CTC1: variants seen among roughly 807,000 people sequenced by gnomAD.
CTC1 encodes CST telomere replication complex component 1.
In CTC1, 91 loss-of-function variants were observed where a neutral mutation model predicts 136.3. The ratio of observed to expected loss-of-function variants is 0.67; its 90% confidence interval spans 0.56 to 0.79. The LOEUF (loss-of-function observed/expected upper bound fraction) is 0.79. Ranked by LOEUF, CTC1 falls within the 30% of genes least tolerant of loss-of-function variation. CTC1 has a pLI of 0.00. For missense variants in CTC1, 1,432 were observed against 1,498.1 expected, an observed-to-expected ratio of 0.96 and a Z score of 0.73; for synonymous variants, 606 against 613.8, an observed-to-expected ratio of 0.99 and a Z score of 0.19.
intron 3 of CTC1, 75 bp from the exon 4 acceptor site, chr17:8,238,317 G>A: frequency 6.4e-7 from 1 of 1,564,712 alleles, no homozygotes. Context: ...TGTTTCCTCA[G>A]AGACTTAATT....
At chr17:8,244,206 TC>T (rs1487418538) in intron 1 of CTC1, among the ~76,000 whole-genome samples, 2 of 152,338 alleles carry the variant, frequency 1.3e-5, no homozygotes, top group East Asian at 3.9e-4. Flanking sequence ...GGTATGCATT[TC>T]CCACAAACTA....
intron 18 of CTC1, 111 bp from the exon 19 acceptor site, chr17:8,229,557 G>A (rs1987035769): frequency 5.6e-6 from 5 of 889,468 alleles, no homozygotes; most frequent in South Asian, 4.8e-5. Context: ...GATGGGGACA[G>A]CAGTGGGTTC....
At chr17:8,228,356 C>A (rs1413220713) in intron 22 of CTC1, 37 bp from the exon 23 acceptor site, 1 of 1,610,160 alleles carries the variant, frequency 6.2e-7, no homozygotes. Flanking sequence ...ACGTCTCAGG[C>A]ATGTGGCTTT....
At position 8,230,578 on chromosome 17, in the gene CTC1, G is replaced by A. The variant is rs778391511; in HGVS notation, c.2743C>T (p.Leu915Phe). 1.9e-6 allele frequency: 3 copies of A among 1,614,116 alleles called. No homozygotes were observed. Among genetic ancestry groups the A allele is most frequent in the Admixed American group, 1.7e-5 (1 of 60,014 alleles). Residue 915 changes from leucine (L) to phenylalanine (F), a missense_variant, in exon 16 of 23, where the codon CTC (leucine) becomes TTC (phenylalanine). Physicochemically the swap from Leu to Phe is conservative, Grantham distance 22. Coordinates refer to ENST00000651323, the MANE Select transcript of CTC1 (RefSeq NM_025099.6). Reference sequence around the variant, plus strand: ...GGGTCATTACCCAGTTTCATCCAGAGAGACGCCACAAGGGGTTCACATAGT... The same window carrying A: ...GGGTCATTACCCAGTTTCATCCAGAAAGACGCCACAAGGGGTTCACATAGT... ...RTLCEPLVASLWMKLGNTGAM... is the reference protein window; with the variant it reads ...RTLCEPLVASFWMKLGNTGAM...
intron 1 of CTC1, among the ~76,000 whole-genome samples, chr17:8,243,861 C>T (rs1460839689): frequency 6.6e-6 from 1 of 152,138 alleles, no homozygotes; most frequent in African/African-American, 2.4e-5. Context: ...TGCTTGAGTC[C>T]AGGAGTTCAA....
chr17:8,230,873 C>T (rs763508849), intron 15 of CTC1: 6 of 560,762 alleles, frequency 1.1e-5, no homozygotes, highest in South Asian at 4.3e-5. Flanking sequence ...AGGTGGCTCA[C>T]GCCCCTAAAT....
intron 7 of CTC1, 81 bp from the exon 8 acceptor site, chr17:8,235,366 C>A: frequency 9.3e-7 from 1 of 1,076,428 alleles, no homozygotes; most frequent in Admixed American, 2.0e-5. Flanking sequence ...CCGCACTTTG[C>A]CACTGCCTGG....
In CTC1 at chr17:8,234,479, C is replaced by A; in HGVS notation, c.1794G>T (p.Leu598=). The A allele has an allele frequency of 6.4e-7, 1 of 1,552,426 alleles. No individual in the cohort carries two copies. Among genetic ancestry groups the A allele is most frequent in the Non-Finnish European group, 8.7e-7 (1 of 1,147,280 alleles). Residue 598 remains leucine, a synonymous_variant, in exon 10 of 23, where the codon CTG becomes CTT. Coordinates refer to ENST00000651323, the MANE Select transcript of CTC1 (RefSeq NM_025099.6). ...CCTGGGCTGGGCAGAAGGCAGAGGG[C>A]AGCAGACAGAGCCAGGACCAAGCCA... ...RRLAWSWLCL[L]PSAFCPAQVL...
intron 2 of CTC1, among the ~76,000 whole-genome samples, chr17:8,240,194 G>A (rs772267289): frequency 2.1e-5 from 3 of 143,924 alleles, no homozygotes; most frequent in Admixed American, 7.1e-5. Context: ...TTGCTCTGTC[G>A]CCCAGACTGG....
At position 8,234,491 on chromosome 17, in the gene CTC1, C is replaced by A. The variant is rs2151517027; in HGVS notation, c.1782G>T (p.Trp594Cys). ...CQLNRRLAWS[W>C]LCLLPSAFCP... ...AGAAGGCAGAGGGCAGCAGACAGAG[C>A]CAGGACCAAGCCAGGCGGCGATTGA... The change falls in exon 10 of 23, where the codon TGG (tryptophan) becomes TGT (cysteine). Residue 594 changes from tryptophan (W) to cysteine (C), a missense_variant. By Grantham distance (215) the Trp-to-Cys change is radical. Coordinates refer to ENST00000651323, the MANE Select transcript of CTC1 (RefSeq NM_025099.6). 1 of 1,553,140 alleles carries A rather than the reference C, an allele frequency of 6.4e-7. No individual in the cohort carries two copies.
rs201492796 is a variant in CTC1 at position 8,243,035 on chromosome 17, G to A, written c.147C>T (p.Val49=). ...TPLVIDCVKT[V]WLSQGRNQGS... ...CTTGGTTCCTTCCCTGGGACAACCA[G>A]ACAGTCTTCACACAATCAATTACCA... The change falls in exon 2 of 23, where the codon GTC becomes GTT. Residue 49 remains valine (V), a synonymous_variant. Coordinates refer to ENST00000651323, the MANE Select transcript of CTC1 (RefSeq NM_025099.6). 1,445 of 1,613,820 alleles carry A rather than the reference G, an allele frequency of 9.0e-4. 3 individuals carry two copies. Among genetic ancestry groups the A allele is most frequent in the Non-Finnish European group, 1.0e-3 (1,188 of 1,179,890 alleles).
rs776284075 is a variant in CTC1 at position 8,238,014 on chromosome 17, C to G, written c.647+17G>C. On this transcript the variant is annotated intron_variant, in intron 4 of 22. Coordinates refer to ENST00000651323, the MANE Select transcript of CTC1 (RefSeq NM_025099.6). ...CAGTTTTACAGCGCCCCTGCCATGCCTAGAGGGGGAAATTACCTGAGCCTG... is the reference window on the plus strand; with the variant it reads ...CAGTTTTACAGCGCCCCTGCCATGCGTAGAGGGGGAAATTACCTGAGCCTG... 1 of 1,602,940 alleles carries G rather than the reference C, an allele frequency of 6.2e-7. No homozygotes were observed. The highest frequency in any genetic ancestry group is 1.7e-5 in the Admixed American group (1 of 59,838).
At position 8,238,186 on chromosome 17, in the gene CTC1, A is replaced by G; in HGVS notation, c.492T>C (p.Ser164=). ...AATTCCACCTGGCAGGAGGGAGGTA[A>G]CTCCAACGGGGGAACAGAAAAAGAT... ...LGHLFLFPRW[S]YLPPARWNSS... The change falls in exon 4 of 23, where the codon AGT becomes AGC. Residue 164 remains serine (S), a synonymous_variant. Transcript: ENST00000651323. 6.2e-7 allele frequency: 1 copy of G among 1,613,512 alleles called. No individual in the cohort carries two copies. The highest frequency in any genetic ancestry group is 8.5e-7 in the Non-Finnish European group (1 of 1,179,550).
At chr17:8,231,035 G>A (rs1987172942) in intron 15 of CTC1, 1 of 492,642 alleles carries the variant, frequency 2.0e-6, no homozygotes, top group African/African-American at 1.9e-5. Flanking sequence ...CAGCTATTTG[G>A]GAGGCTGATG....
chr17:8,247,979 C>A (rs1369388779), intron 1 of CTC1, 25 bp downstream of exon 1: 1 of 1,602,594 alleles, frequency 6.2e-7, no homozygotes, highest in Non-Finnish European at 8.5e-7. Flanking sequence ...AAAAAAGGAA[C>A]AAGAGACGTA....
In CTC1 at chr17:8,243,059, C is replaced by T. The variant is rs772300358; in HGVS notation, c.123G>A (p.Leu41=). 4 of 1,613,938 alleles carry T rather than the reference C, an allele frequency of 2.5e-6. No individual in the cohort carries two copies. Among genetic ancestry groups the T allele is most frequent in the Non-Finnish European group, 3.4e-6 (4 of 1,179,934 alleles). ...VKEPNVQLTP[L]VIDCVKTVWL... ...AGACAGTCTTCACACAATCAATTAC[C>T]AATGGAGTCAACTGGACATTAGGCT... Residue 41 remains leucine (L), a synonymous_variant, in exon 2 of 23, where the codon TTG becomes TTA. Transcript: ENST00000651323.
In CTC1 at chr17:8,238,630, C is replaced by T. The variant is rs1321202145; in HGVS notation, c.198-1G>A. ...CTTGAGGTCCTGTACTGAGACGAAG[C>T]TGTAGAGTGAAGGGAACAGAGGTCC... is the stretch of plus-strand genomic sequence containing the variant. On this transcript the variant is annotated splice_acceptor_variant, in intron 2 of 22. Transcript: ENST00000651323. LOFTEE classifies it high-confidence loss of function. 1.3e-6 allele frequency: 2 copies of T among 1,588,240 alleles called. No individual in the cohort carries two copies. Among genetic ancestry groups the T allele is most frequent in the Non-Finnish European group, 1.7e-6 (2 of 1,166,104 alleles).
chr17:8,243,046 C>A lies in CTC1; in HGVS notation c.136G>T (p.Val46Leu), dbSNP rs1988404586. Residue 46 changes from valine (V) to leucine (L), a missense_variant, in exon 2 of 23, where the codon GTG becomes TTG. By Grantham distance (32) the Val-to-Leu change is conservative. Transcript: ENST00000651323. ...CCCTGGGACAACCAGACAGTCTTCA[C>A]ACAATCAATTACCAATGGAGTCAAC... ...VQLTPLVIDC[V>L]KTVWLSQGRN... 6.2e-7 allele frequency: 1 copy of A among 1,613,914 alleles called. No individual in the cohort carries two copies. The highest frequency in any genetic ancestry group is 8.5e-7 in the Non-Finnish European group (1 of 1,179,976).
chr17:8,237,665 C>CAAAAAAAAAAAA lies in CTC1; in HGVS notation c.648-158_648-147dup, dbSNP rs71159568. On this transcript the variant is annotated intron_variant, in intron 4 of 22. Coordinates refer to ENST00000651323, the MANE Select transcript of CTC1 (RefSeq NM_025099.6). ...GGGCAGCAGGAGTGAAACTACGTCTCAAAAAAAAAAAAAAAAAAAAAAAAA... is the reference window on the plus strand; with the variant it reads ...GGGCAGCAGGAGTGAAACTACGTCTCAAAAAAAAAAAAAAAAAAAAAAAAAAAAAAAAAAAAA... 41 of 58,394 alleles carry CAAAAAAAAAAAA rather than the reference C, an allele frequency of 7.0e-4. 9 individuals carry two copies. Among genetic ancestry groups the CAAAAAAAAAAAA allele is most frequent in the Admixed American group, 1.1e-3 (6 of 5,246 alleles). The allele number at this position is 58,394 out of a possible 1,614,324, so 3.6% of individuals were successfully genotyped here.
Sources: gnomAD v4.1 joint callset for allele counts (sites outside exome capture counted in the v4.1 genomes callset) on GRCh38, gnomAD v4.1.1 for gene constraint, MANE v1.5 for transcripts, NCBI Gene and HGNC (gene_info 2026-07-23, HGNC 2026-07-21) for gene names.